Variants in RGS6 observed in about 807,000 individuals in gnomAD.
RGS6 encodes regulator of G-protein signaling 6.
A neutral mutation model predicts 78.5 loss-of-function variants in RGS6; 30 were observed. That is an observed-to-expected ratio of 0.38 (90% CI 0.29 to 0.52). The LOEUF (loss-of-function observed/expected upper bound fraction) is 0.52, where lower values mean the gene tolerates loss of function less well. Among genes scored for constraint, RGS6 ranks in the 20% least tolerant of loss-of-function variants. The pLI is 0.85. For missense variants in RGS6, 495 were observed against 609.7 expected (o/e 0.81, Z 1.98); for synonymous variants, 206 against 206.0 (o/e 1.00, Z 0.00).
At chr14:71,896,499 C>T in the RGS6 span, among the ~76,000 whole-genome samples, 2 of 152,176 alleles carry the variant, frequency 1.3e-5, no homozygotes, top group South Asian at 4.1e-4. Flanking sequence ...AGCTTCTTTA[C>T]CACAGGCTGT....
intron 3 of RGS6, among the ~76,000 whole-genome samples, chr14:72,357,974 C>A (rs898900241): frequency 6.6e-6 from 1 of 152,166 alleles, no homozygotes; most frequent in African/African-American, 2.4e-5. Context: ...CTGTGTGCAG[C>A]CTAGGGACTT....
intron 2 of RGS6, among the ~76,000 whole-genome samples, chr14:72,103,142 C>T (rs2095561387): frequency 6.6e-6 from 1 of 152,218 alleles, no homozygotes; most frequent in South Asian, 2.1e-4. Flanking sequence ...CTAGGCCTCC[C>T]TTGCAGTGGT....
intron 2 of RGS6, among the ~76,000 whole-genome samples, chr14:72,290,117 C>T (rs147543436): frequency 5.9e-5 from 9 of 152,228 alleles, no homozygotes; most frequent in Admixed American, 2.6e-4. Flanking sequence ...AATCCTAGGA[C>T]GATCAATCTC....
chr14:72,195,138 T>G (rs12883468), intron 2 of RGS6, among the ~76,000 whole-genome samples: 23,900 of 151,348 alleles, frequency 0.16, 1,992 homozygotes, highest in South Asian at 0.26. Flanking sequence ...AGCCCAGAAG[T>G]CAGAGGTTGC....
chr14:72,307,407 A>G (rs1168355473), intron 2 of RGS6, among the ~76,000 whole-genome samples: 1 of 152,208 alleles, frequency 6.6e-6, no homozygotes, highest in Non-Finnish European at 1.5e-5. Context: ...GTTATTGTCA[A>G]GATTTTAATG....
intron 3 of RGS6, among the ~76,000 whole-genome samples, chr14:72,391,267 A>AC (rs1566710069): frequency 6.6e-6 from 1 of 151,670 alleles, no homozygotes; most frequent in Non-Finnish European, 1.5e-5. Flanking sequence ...CAAGAAAAAA[A>AC]TTCAACACCA....
At chr14:71,944,856 C>A (rs1443827561) in intron 1 of RGS6, among the ~76,000 whole-genome samples, 2 of 152,132 alleles carry the variant, frequency 1.3e-5, no homozygotes, top group African/African-American at 4.8e-5. Flanking sequence ...ATGGTATAGC[C>A]TACTGTACAC....
intron 2 of RGS6, among the ~76,000 whole-genome samples, chr14:71,988,619 C>G (rs900212386): frequency 6.6e-6 from 1 of 151,968 alleles, no homozygotes; most frequent in Admixed American, 6.6e-5. Context: ...GTCCGTATGA[C>G]CGGTGAAGCC....
At chr14:72,610,446 G>A in the RGS6 span, among the ~76,000 whole-genome samples, 1 of 152,194 alleles carries the variant, frequency 6.6e-6, no homozygotes, top group Non-Finnish European at 1.5e-5. Flanking sequence ...GCCTGTCCCT[G>A]AGAAGAGACA....
intron 2 of RGS6, among the ~76,000 whole-genome samples, chr14:72,133,403 G>A (rs1489412244): frequency 1.3e-5 from 2 of 152,042 alleles, no homozygotes; most frequent in African/African-American, 2.4e-5. Flanking sequence ...GCGATACACA[G>A]GAAAGGGAAC....
chr14:71,936,935 T>C (rs1186774162), intron 1 of RGS6, among the ~76,000 whole-genome samples: 2 of 152,218 alleles, frequency 1.3e-5, no homozygotes, highest in Non-Finnish European at 2.9e-5. Flanking sequence ...GCAGGTTCTT[T>C]TCCCTGGTGG....
At chr14:72,299,997 C>T (rs752606901) in intron 2 of RGS6, among the ~76,000 whole-genome samples, 1 of 151,740 alleles carries the variant, frequency 6.6e-6, no homozygotes, top group Non-Finnish European at 1.5e-5. Flanking sequence ...TATTTCATTT[C>T]TCCTTTTTAC....
chr14:72,278,818 A>G lies in RGS6; in HGVS notation c.85-73277A>G, dbSNP rs116772653. Among the ~76,000 whole-genome samples, 1,508 of 152,168 alleles carry G rather than the reference A, an allele frequency of 9.9e-3. 23 individuals are homozygous for G. Among genetic ancestry groups the G allele is most frequent in the African/African-American group, 0.035 (1,444 of 41,518 alleles). On this transcript the variant is annotated intron_variant, in intron 2 of 17. Transcript: ENST00000553525. ...TACCATAGACTAGGTGGCTTAAACA[A>G]CACACATTTATTCTCTCATACTTCC...
the RGS6 span, among the ~76,000 whole-genome samples, chr14:72,579,255 A>G: frequency 2.0e-5 from 3 of 152,302 alleles, no homozygotes; most frequent in South Asian, 6.2e-4. Flanking sequence ...CACCACCTGG[A>G]AGCCCCTGAA....
At chr14:72,209,075 A>C (rs847291) in intron 2 of RGS6, among the ~76,000 whole-genome samples, 143,209 of 152,184 alleles carry the variant, frequency 0.94, 67,674 homozygotes, top group South Asian at 1. Context: ...AAAGGTGAAA[A>C]CCCATTTCTA....
intron 3 of RGS6, among the ~76,000 whole-genome samples, chr14:72,380,605 A>G (rs1418114978): frequency 6.6e-6 from 1 of 152,198 alleles, no homozygotes; most frequent in Non-Finnish European, 1.5e-5. Context: ...GGAAATGCCA[A>G]TCAAAACCAC....
the RGS6 span, among the ~76,000 whole-genome samples, chr14:72,584,805 G>A: frequency 6.6e-6 from 1 of 152,166 alleles, no homozygotes; most frequent in Non-Finnish European, 1.5e-5. Flanking sequence ...GCTTAATATT[G>A]GATCATGGAG....
chr14:72,591,947 T>A, the RGS6 span, among the ~76,000 whole-genome samples: 1 of 152,180 alleles, frequency 6.6e-6, no homozygotes, highest in African/African-American at 2.4e-5. Context: ...CCTTCCGTCA[T>A]GCTAAAACCA....
the RGS6 span, among the ~76,000 whole-genome samples, chr14:72,588,844 A>AGTGTGCAGGAGAGATGGATGGTC: frequency 1.3e-5 from 2 of 152,158 alleles, no homozygotes; most frequent in African/African-American, 4.8e-5. Context: ...TGAAGAAAGG[A>AGTGTGCAGGAGAGATGGATGGTC]GTGTGCAGGA....
Sources: gnomAD v4.1 joint callset for allele counts (sites outside exome capture counted in the v4.1 genomes callset) on GRCh38, gnomAD v4.1.1 for gene constraint, MANE v1.5 for transcripts, NCBI Gene and HGNC (gene_info 2026-07-23, HGNC 2026-07-21) for gene names.